SCNN1B: variants seen among roughly 807,000 people sequenced by gnomAD.
The protein encoded by SCNN1B is sodium channel epithelial 1 subunit beta.
Under a neutral mutation model 65.3 loss-of-function variants are expected in SCNN1B, and 46 were observed. The ratio of observed to expected loss-of-function variants is 0.70; its 90% CI spans 0.56 to 0.90. The LOEUF (loss-of-function observed/expected upper bound fraction) is 0.90, where lower values mean the gene tolerates loss of function less well. Ranked by LOEUF, SCNN1B falls within the 40% of genes least tolerant of loss-of-function variation. The pLI is 0.00. For synonymous variants in SCNN1B, 349 were observed against 330.6 expected (o/e 1.06, Z -0.60); for missense variants, 751 against 830.5 (o/e 0.90, Z 1.18).
chr16:23,288,004 A>AAG (rs1013560647), intron 2 of SCNN1B, among the ~76,000 whole-genome samples: 2 of 151,412 alleles, frequency 1.3e-5, no homozygotes, highest in Admixed American at 6.6e-5. Context: ...AAAAAAAAAA[A>AAG]AATTAGCTGG....
chr16:23,280,479 G>A (rs1358438578), intron 1 of SCNN1B, among the ~76,000 whole-genome samples: 4 of 152,134 alleles, frequency 2.6e-5, no homozygotes, highest in East Asian at 1.9e-4. Context: ...TTGGCCTCCC[G>A]AAGTGCTGGG....
chr16:23,301,828 G>A (rs1246493400), upstream of SCNN1B, among the ~76,000 whole-genome samples: 1 of 152,172 alleles, frequency 6.6e-6, no homozygotes, highest in African/African-American at 2.4e-5. Context: ...AGGGAAGAAC[G>A]TTCCTGGGAA....
At chr16:23,279,405 G>T in intron 1 of SCNN1B, among the ~76,000 whole-genome samples, 1 of 151,632 alleles carries the variant, frequency 6.6e-6, no homozygotes, top group Non-Finnish European at 1.5e-5. Context: ...AAAGATCAGG[G>T]TTGCCATTTA....
intron 1 of SCNN1B, among the ~76,000 whole-genome samples, chr16:23,337,288 C>T (rs1207360254): frequency 1.3e-5 from 2 of 152,050 alleles, no homozygotes; most frequent in African/African-American, 4.8e-5. Context: ...TCCTGGACTC[C>T]AGTGATCCTC....
At chr16:23,303,834 G>A (rs1167934098) in intron 1 of SCNN1B, 3 of 565,320 alleles carry the variant, frequency 5.3e-6, no homozygotes, top group East Asian at 2.9e-5. Context: ...CAGGTGGATC[G>A]CTTGAACCCA....
At chr16:23,361,993 G>C (rs1012279100) in intron 4 of SCNN1B, among the ~76,000 whole-genome samples, 1 of 152,062 alleles carries the variant, frequency 6.6e-6, no homozygotes, top group Non-Finnish European at 1.5e-5. Flanking sequence ...GATTACAGGA[G>C]AGAGCCAACA....
intron 2 of SCNN1B, among the ~76,000 whole-genome samples, chr16:23,288,010 G>T (rs1960874985): frequency 1.4e-5 from 2 of 147,080 alleles, no homozygotes; most frequent in Non-Finnish European, 3.0e-5. Flanking sequence ...AAAAAAATTA[G>T]CTGGGCATGG....
chr16:23,362,034 G>GA (rs2142029971), intron 4 of SCNN1B, among the ~76,000 whole-genome samples: 1 of 152,142 alleles, frequency 6.6e-6, no homozygotes, highest in South Asian at 2.1e-4. Context: ...TTTTTAAATT[G>GA]AAGAATGGTA....
chr16:23,297,900 G>T (rs533727907), upstream of SCNN1B, among the ~76,000 whole-genome samples: 1 of 152,228 alleles, frequency 6.6e-6, no homozygotes, highest in Admixed American at 6.5e-5. Flanking sequence ...ATGGATGTTT[G>T]GTGTCCCCAA....
chr16:23,368,386 A>G (rs1299220929), intron 5 of SCNN1B, among the ~76,000 whole-genome samples: 1 of 152,016 alleles, frequency 6.6e-6, no homozygotes, highest in East Asian at 1.9e-4. Context: ...AAAAAAAAAT[A>G]CAAAAATTAG....
chr16:23,379,590 TGCCCACACA>T (rs1962993834), intron 11 of SCNN1B, among the ~76,000 whole-genome samples: 1 of 152,108 alleles, frequency 6.6e-6, no homozygotes, highest in African/African-American at 2.4e-5. Flanking sequence ...TGGGAGGGGA[TGCCCACACA>T]GCCACCCTTC....
chr16:23,380,264 T>C lies in SCNN1B; in HGVS notation c.1542+95T>C, dbSNP rs1963013592. 4 of 1,489,882 alleles carry C rather than the reference T, an allele frequency of 2.7e-6. No homozygotes were observed. The highest frequency in any genetic ancestry group is 3.7e-6 in the Non-Finnish European group (4 of 1,068,400). The allele number at this position is 1,489,882 out of a possible 1,614,324, so 92.3% of individuals were successfully genotyped here. On this transcript the variant is annotated intron_variant, in intron 12 of 12. Transcript: ENST00000343070. This position sits in a 1 kb window ranked among gnomAD's most constrained non-coding sequence, Gnocchi z 5.4. ...AGGGTTCTGAGCCCTATGAAGGAAT[T>C]AGGAAGATCCCTAAGACAGTCCCAA...
At chr16:23,342,800 A>G (rs1215341123) in intron 1 of SCNN1B, among the ~76,000 whole-genome samples, 1 of 152,238 alleles carries the variant, frequency 6.6e-6, no homozygotes, top group East Asian at 1.9e-4. Context: ...CATCCAAAAC[A>G]GGCAAATCTA....
At chr16:23,360,160 T>C (rs1215068707) in intron 4 of SCNN1B, among the ~76,000 whole-genome samples, 2 of 151,370 alleles carry the variant, frequency 1.3e-5, no homozygotes, top group Admixed American at 1.3e-4. Flanking sequence ...ATCATGCCAC[T>C]GCACTCCAGC....
intron 2 of SCNN1B, among the ~76,000 whole-genome samples, chr16:23,293,987 TA>T (rs1304313406): frequency 2.6e-5 from 4 of 151,726 alleles, no homozygotes; most frequent in Non-Finnish European, 5.9e-5. Context: ...TTTGCCACAA[TA>T]AAAAAAATAT....
At chr16:23,280,156 G>A (rs975185558) in intron 1 of SCNN1B, among the ~76,000 whole-genome samples, 2 of 152,106 alleles carry the variant, frequency 1.3e-5, no homozygotes, top group Non-Finnish European at 2.9e-5. Flanking sequence ...GGGGCTTTGC[G>A]TTCATCCTCT....
chr16:23,375,493 C>T (rs1596886721), intron 7 of SCNN1B, among the ~76,000 whole-genome samples: 2 of 152,174 alleles, frequency 1.3e-5, no homozygotes, highest in African/African-American at 4.8e-5. Flanking sequence ...TGGGATACTG[C>T]GGTCTGGCCT....
intron 4 of SCNN1B, among the ~76,000 whole-genome samples, chr16:23,367,259 G>T (rs1429656382): frequency 6.6e-6 from 1 of 152,192 alleles, no homozygotes; most frequent in Non-Finnish European, 1.5e-5. Context: ...CGAGACAGAT[G>T]AAAACATCTG....
At chr16:23,379,987 G>C (rs1429633220) in intron 11 of SCNN1B, 107 bp from the exon 12 acceptor site, 2 of 853,272 alleles carry the variant, frequency 2.3e-6, no homozygotes, top group Non-Finnish European at 4.1e-6. Flanking sequence ...CATACATGTG[G>C]GTGTGTGCAC....
Sources: gnomAD v4.1 joint callset for allele counts (sites outside exome capture counted in the v4.1 genomes callset) on GRCh38, gnomAD v4.1.1 for gene constraint, Gnocchi (gnomAD v3.1) non-coding constraint, MANE v1.5 for transcripts, NCBI Gene and HGNC (gene_info 2026-07-23, HGNC 2026-07-21) for gene names.